Variants in PPP6R2 observed in about 807,000 individuals in gnomAD.
PPP6R2 encodes the protein protein phosphatase 6 regulatory subunit 2.
In PPP6R2, 62 loss-of-function variants were observed where a neutral mutation model predicts 100.2. The ratio of observed to expected loss-of-function variants is 0.62; its 90% CI spans 0.50 to 0.76. The LOEUF is 0.76. PPP6R2 is among the 30% of genes least tolerant of loss of function. The pLI, the probability that PPP6R2 is intolerant of heterozygous loss-of-function variation, is 0.00. For missense variants in PPP6R2, 1,142 were observed against 1,276.3 expected, an observed-to-expected ratio of 0.89 and a Z score of 1.60; for synonymous variants, 525 against 514.7, an observed-to-expected ratio of 1.02 and a Z score of -0.27.
intron 3 of PPP6R2, among the ~76,000 whole-genome samples, chr22:50,405,913 T>G (rs1603262320): frequency 1.8e-5 from 1 of 55,688 alleles, no homozygotes. Context: ...CAGGCGAGTG[T>G]GAAGGCCTGG....
chr22:50,376,072 AT>A (rs2051483054), intron 2 of PPP6R2, among the ~76,000 whole-genome samples: 1 of 151,764 alleles, frequency 6.6e-6, no homozygotes, highest in African/African-American at 2.4e-5. Context: ...ACCTCAGGTG[AT>A]CCGCCTGCAG....
At chr22:50,386,542 C>T (rs1441975437) in intron 2 of PPP6R2, among the ~76,000 whole-genome samples, 1 of 152,194 alleles carries the variant, frequency 6.6e-6, no homozygotes, top group Non-Finnish European at 1.5e-5. Flanking sequence ...AACCGAGCTT[C>T]TGCAGCAAGG....
chr22:50,408,348 A>G (rs1478665694), intron 4 of PPP6R2, among the ~76,000 whole-genome samples: 1 of 152,216 alleles, frequency 6.6e-6, no homozygotes, highest in Non-Finnish European at 1.5e-5. Context: ...GCGCAGCTCC[A>G]CGAAGGCCGC....
chr22:50,341,857 G>GT (rs1299526904), upstream of PPP6R2, among the ~76,000 whole-genome samples: 1 of 152,196 alleles, frequency 6.6e-6, no homozygotes, highest in Non-Finnish European at 1.5e-5. Flanking sequence ...GCCGGGCGCG[G>GT]TGGCGGGCGC....
chr22:50,333,495 C>T, the PPP6R2 span, among the ~76,000 whole-genome samples: 6 of 152,150 alleles, frequency 3.9e-5, no homozygotes, highest in Non-Finnish European at 7.3e-5. Flanking sequence ...TGCCACCACG[C>T]CCGGCTAATT....
In PPP6R2 at chr22:50,389,982, C is replaced by A. The variant is rs140896911; in HGVS notation, c.-16-3911C>A. On this transcript the variant is annotated intron_variant, in intron 2 of 23. Transcript: ENST00000612753. ...TTATGCGGAGATTTTTTTCTTTTTT[C>A]TTTTTCTTTTTTTTTCTTTTTTTTT... is the stretch of plus-strand genomic sequence containing the variant. Among the ~76,000 whole-genome samples the A allele has an allele frequency of 5.6e-3, 817 of 146,222 alleles. 5 individuals are homozygous for A. The highest frequency in any genetic ancestry group is 0.011 in the Admixed American group (149 of 13,936).
At chr22:50,427,293 G>A (rs1444280948) in intron 10 of PPP6R2, among the ~76,000 whole-genome samples, 1 of 152,082 alleles carries the variant, frequency 6.6e-6, no homozygotes, top group African/African-American at 2.4e-5. Context: ...GTGTCGCACT[G>A]TTTTGGTGAC....
intron 2 of PPP6R2, among the ~76,000 whole-genome samples, chr22:50,378,010 G>A (rs2051995406): frequency 6.6e-6 from 1 of 152,118 alleles, no homozygotes; most frequent in South Asian, 2.1e-4. Context: ...CAAAATAAAA[G>A]AAGTCTACAG....
In PPP6R2 at chr22:50,423,814, C is replaced by T. The variant is rs1338533959; in HGVS notation, c.1125+200C>T. Among the ~76,000 whole-genome samples the T allele has an allele frequency of 2.0e-5, 3 of 152,224 alleles. No individual in the cohort carries two copies. In the East Asian group the frequency reaches 5.8e-4, roughly 29 times the overall value. On this transcript the variant is annotated intron_variant, in intron 10 of 23. Coordinates refer to ENST00000612753, the MANE Select transcript of PPP6R2 (RefSeq NM_001242898.2). The surrounding 1 kb of genome is among the most constrained non-coding windows in gnomAD (Gnocchi z 4.8). ...CAGTGGGGTGTGTCTCAGCTGCAGG[C>T]TCATGGGAAGTGACGAGTCTACCGT...
At chr22:50,369,652 T>A (rs1275185353) in intron 1 of PPP6R2, among the ~76,000 whole-genome samples, 1 of 152,098 alleles carries the variant, frequency 6.6e-6, no homozygotes, top group Non-Finnish European at 1.5e-5. Context: ...TATCTGGGAT[T>A]AGAGGCGTAC....
intron 4 of PPP6R2, among the ~76,000 whole-genome samples, chr22:50,409,541 C>A (rs527283635): frequency 6.6e-6 from 1 of 152,216 alleles, no homozygotes; most frequent in African/African-American, 2.4e-5. Flanking sequence ...GATTCTTCTG[C>A]TTCAGCCTCC....
rs140861368 is a variant in PPP6R2, at chr22:50,431,285, C to G, written c.1238C>G (p.Ser413Cys). The G allele has an allele frequency of 2.7e-5, 44 of 1,613,450 alleles. No homozygotes were observed. The highest frequency in any genetic ancestry group is 3.6e-5 in the Non-Finnish European group (43 of 1,180,034). ...GAGGAGAGGACAGAAGCCAGCGGATCCGAGAGCAGGGTGGAGCCTCCGCAT... is the reference window on the plus strand; with the variant it reads ...GAGGAGAGGACAGAAGCCAGCGGATGCGAGAGCAGGGTGGAGCCTCCGCAT... Reference protein sequence around the residue: ...AREERTEASGSESRVEPPHEN... With the variant: ...AREERTEASGCESRVEPPHEN... The change falls in exon 11 of 24, where the codon TCC becomes TGC. Residue 413 changes from serine (S) to cysteine (C), a missense_variant. Ser to Cys is a moderately radical substitution (Grantham distance 112). Transcript: ENST00000612753. The surrounding 1 kb of genome is among the most constrained non-coding windows in gnomAD (Gnocchi z 4.8).
At chr22:50,337,495 TGTGTGTGCG>T in the PPP6R2 span, among the ~76,000 whole-genome samples, 4 of 134,708 alleles carry the variant, frequency 3.0e-5, no homozygotes, top group South Asian at 2.5e-4. Context: ...CGATGTGTGG[TGTGTGTGCG>T]GTGTGTGGGG....
chr22:50,369,679 G>A (rs1022000162), intron 1 of PPP6R2, among the ~76,000 whole-genome samples: 1 of 151,968 alleles, frequency 6.6e-6, no homozygotes, highest in Non-Finnish European at 1.5e-5. Context: ...CTAATTTTTT[G>A]TGTTTTTAGT....
rs762849620 is a variant in PPP6R2, at chr22:50,444,332, T to TTTTAA, written c.*99_*103dup. The stretch of plus-strand genomic sequence containing the variant: ...TACCTGGTGATGCAATCTTTTTTTT[T>TTTTAA]TTTAATTTAATTTAATTTTAAAATA... On this transcript the variant is annotated 3_prime_UTR_variant, in exon 24 of 24. Transcript: ENST00000612753. 7.7e-5 allele frequency: 109 copies of TTTTAA among 1,423,126 alleles called. No individual in the cohort carries two copies. The highest frequency in any genetic ancestry group is 1.1e-4 in the South Asian group (8 of 75,194). 88.2% of individuals were successfully genotyped at this position (1,423,126 alleles called of 1,614,324 possible).
Position 50,437,602 on chromosome 22 carries a change from A to C in PPP6R2, c.1780A>C (p.Asn594His). ...EEFADQDDNI[N>H]APFDRIAEIN... is the part of the protein sequence containing the mutation. ...GTTTGCCGACCAGGACGACAACATCAAGTGAGTCTACTTGGAGCGCACTCT... is the reference window on the plus strand; with the variant it reads ...GTTTGCCGACCAGGACGACAACATCCAGTGAGTCTACTTGGAGCGCACTCT... The change falls in exon 16 of 24, where the codon AAT becomes CAT. Residue 594 changes from asparagine (N) to histidine (H), a missense_variant and splice_region_variant. Transcript: ENST00000612753. 6.2e-7 allele frequency: 1 copy of C among 1,603,892 alleles called. No individual in the cohort carries two copies.
At chr22:50,335,749 C>G in the PPP6R2 span, among the ~76,000 whole-genome samples, 103 of 141,316 alleles carry the variant, frequency 7.3e-4, 5 homozygotes, top group Non-Finnish European at 1.3e-3. Flanking sequence ...AATCTTGGCT[C>G]ACTGCAAACT....
rs761064320 is a variant in PPP6R2 at position 50,444,033 on chromosome 22, C to A, written c.2747C>A (p.Ala916Asp). 1 of 1,613,402 alleles carries A rather than the reference C, an allele frequency of 6.2e-7. No individual in the cohort carries two copies. The highest frequency in any genetic ancestry group is 1.1e-5 in the South Asian group (1 of 91,084). ...ACCCCAGCAGTCTCTTCTGCACTGG[C>A]CGTGGCGGTCCCCCTAGGGCCCATC... ...IPTPAVSSAL[A>D]VAVPLGPIMA... The change falls in exon 23 of 24, where the codon GCC (alanine) becomes GAC (aspartate). Residue 916 changes from alanine to aspartate, a missense_variant. Ala to Asp is a moderately radical substitution (Grantham distance 126). This residue lies in a region of PPP6R2 where 550 missense variants were observed against 517.4 expected (regional missense o/e 1.06). Coordinates refer to ENST00000612753, the MANE Select transcript of PPP6R2 (RefSeq NM_001242898.2).
intron 6 of PPP6R2, 23 bp from the exon 7 acceptor site, chr22:50,418,844 C>T (rs1569460827): frequency 6.3e-7 from 1 of 1,578,366 alleles, no homozygotes; most frequent in Admixed American, 1.7e-5. Flanking sequence ...CTGAGGGACT[C>T]TGTGTTTCCC....
Sources: gnomAD v4.1 joint callset for allele counts (sites outside exome capture counted in the v4.1 genomes callset) on GRCh38, gnomAD v4.1.1 for gene constraint, gnomAD v4.1.1 regional missense constraint, Gnocchi (gnomAD v3.1) non-coding constraint, MANE v1.5 for transcripts, NCBI Gene and HGNC (gene_info 2026-07-23, HGNC 2026-07-21) for gene names.